PRKDC: variants seen among roughly 807,000 people sequenced by gnomAD.
PRKDC encodes the protein protein kinase, DNA-activated, catalytic subunit.
PRKDC carries 82 observed loss-of-function variants against 486.9 expected under a neutral mutation model. The ratio of observed to expected loss-of-function variants is 0.17; its 90% CI spans 0.14 to 0.20. The LOEUF (loss-of-function observed/expected upper bound fraction) is 0.20, where lower values mean the gene tolerates loss of function less well. Among genes scored for constraint, PRKDC ranks in the 10% least tolerant of loss-of-function variants. The probability of loss-of-function intolerance (pLI) is 1.00; values close to 1 mark genes in which losing one functional copy is unlikely to be tolerated. For synonymous variants in PRKDC, 1,895 were observed against 1,837.0 expected (o/e 1.03, Z -0.81); for missense variants, 4,504 against 5,038.2 (o/e 0.89, Z 3.21).
intron 22 of PRKDC, among the ~76,000 whole-genome samples, chr8:47,916,668 T>C (rs921090540): frequency 6.6e-6 from 1 of 152,148 alleles, no homozygotes. Flanking sequence ...AAAAATTGTG[T>C]CCACAAAGCA....
intron 64 of PRKDC, among the ~76,000 whole-genome samples, chr8:47,823,102 C>T (rs935609663): frequency 2.0e-5 from 3 of 151,840 alleles, no homozygotes; most frequent in African/African-American, 4.8e-5. Context: ...TTTGGGAGGC[C>T]CAGGCATGAT....
intron 1 of PRKDC, 80 bp from the exon 2 acceptor site, chr8:47,957,511 TTTC>T (rs1252054930): frequency 1.3e-5 from 16 of 1,199,232 alleles, no homozygotes; most frequent in East Asian, 1.0e-4. Context: ...TTGCAATGAT[TTTC>T]TTATTATTTT....
Position 47,782,657 on chromosome 8 carries a change from G to C in PRKDC, c.11176-59C>G. 6.6e-7 allele frequency: 1 copy of C among 1,521,152 alleles called. No individual in the cohort carries two copies. Among genetic ancestry groups the C allele is most frequent in the Admixed American group, 2.0e-5 (1 of 50,688 alleles). 94.2% of individuals were successfully genotyped at this position (1,521,152 alleles called of 1,614,324 possible). ...GCTAGCCACGTGTCAAACTCAGAGGGAAAAGCCAGAGTGGCTGTGAGCATT... is the reference window on the plus strand; with the variant it reads ...GCTAGCCACGTGTCAAACTCAGAGGCAAAAGCCAGAGTGGCTGTGAGCATT... On this transcript the variant is annotated intron_variant, in intron 78 of 85. Transcript: ENST00000314191. This position sits in a 1 kb window ranked among gnomAD's most constrained non-coding sequence, Gnocchi z 4.9.
At position 47,889,155 on chromosome 8, in the gene PRKDC, G is replaced by A. The variant is rs529991829; in HGVS notation, c.4139C>T (p.Ala1380Val). Residue 1380 changes from alanine (A) to valine (V), a missense_variant, in exon 33 of 86, where the codon GCA (alanine) becomes GTA (valine). Transcript: ENST00000314191. ...RVLVQTLCEP[A>V]SIGFNIGDVQ... ...GTCTCCGATGTTGAAACCTATGCTTGCGGGCTCACACAGCGTCTGCACCAG... is the reference window on the plus strand; with the variant it reads ...GTCTCCGATGTTGAAACCTATGCTTACGGGCTCACACAGCGTCTGCACCAG... The A allele has an allele frequency of 6.2e-7, 1 of 1,613,938 alleles. No individual in the cohort carries two copies. The highest frequency in any genetic ancestry group is 1.3e-5 in the African/African-American group (1 of 75,040).
At chr8:47,802,653 AT>A (rs1194867010) in intron 70 of PRKDC, among the ~76,000 whole-genome samples, 60 of 135,176 alleles carry the variant, frequency 4.4e-4, no homozygotes, top group African/African-American at 3.0e-4. Context: ...AGTTTTTGTA[AT>A]TTTTTTTTTT....
Position 47,849,309 on chromosome 8 carries a change from G to C in PRKDC, c.7131-6C>G, listed in dbSNP as rs374268957. ...AGAACACAGCATTCATGAACCTGGC[G>C]GGGAAGGGAACTGGTGAGAGGAGGG... On this transcript the variant is annotated splice_region_variant and splice_polypyrimidine_tract_variant and intron_variant, in intron 53 of 85. Transcript: ENST00000314191. 3.7e-6 allele frequency: 6 copies of C among 1,613,922 alleles called. No homozygotes were observed. The highest frequency in any genetic ancestry group is 5.1e-6 in the Non-Finnish European group (6 of 1,179,866).
At chr8:47,851,617 G>A (rs1485267429) in intron 52 of PRKDC, among the ~76,000 whole-genome samples, 1 of 152,160 alleles carries the variant, frequency 6.6e-6, no homozygotes, top group Non-Finnish European at 1.5e-5. Flanking sequence ...CTTTCTTTCA[G>A]GAGAGTAACT....
chr8:47,887,492 G>T, intron 35 of PRKDC, 55 bp downstream of exon 35: 2 of 1,416,678 alleles, frequency 1.4e-6, no homozygotes, highest in South Asian at 1.8e-5. Flanking sequence ...ACCTGCAAGT[G>T]ACATATGTAT....
In PRKDC at chr8:47,900,369, G is replaced by A. The variant is rs779701820; in HGVS notation, c.3364+4C>T. The A allele has an allele frequency of 1.8e-5, 28 of 1,599,536 alleles. No individual in the cohort carries two copies. The highest frequency in any genetic ancestry group is 1.7e-4 in the Middle Eastern group (1 of 6,034). ...CGCACACAGAACACTGAAGCAAAACGTACCTAAGGACTTCTCATCTGCATG... is the reference window on the plus strand; with the variant it reads ...CGCACACAGAACACTGAAGCAAAACATACCTAAGGACTTCTCATCTGCATG... On this transcript the variant is annotated splice_donor_region_variant and intron_variant, in intron 28 of 85. Coordinates refer to ENST00000314191, the MANE Select transcript of PRKDC (RefSeq NM_006904.7).
At chr8:47,891,839 A>G (rs1445742471) in intron 31 of PRKDC, among the ~76,000 whole-genome samples, 1 of 152,216 alleles carries the variant, frequency 6.6e-6, no homozygotes, top group East Asian at 1.9e-4. Context: ...TTTTAGAATA[A>G]ACCAAATATG....
At chr8:47,779,210 A>T (rs773137157) in intron 80 of PRKDC, 117 bp from the exon 81 acceptor site, 1 of 722,166 alleles carries the variant, frequency 1.4e-6, no homozygotes, top group Non-Finnish European at 2.3e-6. Context: ...AAAAATAATA[A>T]GACTTTTAAC....
At position 47,787,775 on chromosome 8, in the gene PRKDC, T is replaced by TG. The variant is rs1210660527; in HGVS notation, c.10902+1130dup. ...CACACTGGCTGAGGTAGCAGTGTGC[T>TG]GGGGGCAGGCTAGGCTGGAGGCTAT... On this transcript the variant is annotated intron_variant, in intron 76 of 85. Coordinates refer to ENST00000314191, the MANE Select transcript of PRKDC (RefSeq NM_006904.7). Among the ~76,000 whole-genome samples, 4 of 152,156 alleles carry TG rather than the reference T, an allele frequency of 2.6e-5. No homozygotes were observed. The East Asian group carries it at 7.7e-4, about 29-fold the overall frequency.
rs768044219 is a variant in PRKDC at position 47,778,429 on chromosome 8, C to G, written c.11853+30G>C. The G allele has an allele frequency of 9.4e-6, 15 of 1,599,956 alleles. No homozygotes were observed. The African/African-American group carries it at 1.5e-4, about 16-fold the overall frequency. ...AAGTCCTATGATGACTCTCGCCTTGCCCAGGATCACGAGAGCACAGCAAGT... is the reference window on the plus strand; with the variant it reads ...AAGTCCTATGATGACTCTCGCCTTGGCCAGGATCACGAGAGCACAGCAAGT... On this transcript the variant is annotated intron_variant, in intron 83 of 85. Coordinates refer to ENST00000314191, the MANE Select transcript of PRKDC (RefSeq NM_006904.7).
chr8:47,793,475 A>G (rs2086919179), intron 74 of PRKDC, among the ~76,000 whole-genome samples: 1 of 151,680 alleles, frequency 6.6e-6, no homozygotes, highest in South Asian at 2.1e-4. Context: ...CCCTGTCGCT[A>G]CTAAAAATAC....
chr8:47,891,955 G>A (rs1194240407), intron 31 of PRKDC, among the ~76,000 whole-genome samples: 3 of 151,932 alleles, frequency 2.0e-5, no homozygotes, highest in African/African-American at 7.3e-5. Flanking sequence ...TGCAACCTCC[G>A]CCTCCGGGGT....
chr8:47,787,739 G>A (rs905400080), intron 76 of PRKDC, among the ~76,000 whole-genome samples: 4 of 152,182 alleles, frequency 2.6e-5, no homozygotes, highest in Admixed American at 6.5e-5. Flanking sequence ...CATGAATTCC[G>A]ACACAACGTG....
intron 58 of PRKDC, 37 bp from the exon 59 acceptor site, chr8:47,834,433 T>A: frequency 6.2e-7 from 1 of 1,604,062 alleles, no homozygotes; most frequent in South Asian, 1.1e-5. Flanking sequence ...GCACTCAGCA[T>A]CACCCAGCTC....
chr8:47,835,244 G>A (rs1019093128), intron 58 of PRKDC, among the ~76,000 whole-genome samples: 1 of 152,130 alleles, frequency 6.6e-6, no homozygotes, highest in Non-Finnish European at 1.5e-5. Context: ...CTCTGCTTTG[G>A]TGATAAGATG....
chr8:47,808,145 CTTTTT>C (rs938705912), intron 68 of PRKDC, among the ~76,000 whole-genome samples: 4 of 152,012 alleles, frequency 2.6e-5, no homozygotes, highest in African/African-American at 9.7e-5. Context: ...TGAAAATTTT[CTTTTT>C]TATTTTTTTG....
Sources: gnomAD v4.1 joint callset for allele counts (sites outside exome capture counted in the v4.1 genomes callset) on GRCh38, gnomAD v4.1.1 for gene constraint, Gnocchi (gnomAD v3.1) non-coding constraint, MANE v1.5 for transcripts, NCBI Gene and HGNC (gene_info 2026-07-23, HGNC 2026-07-21) for gene names.